DIS3L: variants seen among roughly 807,000 people sequenced by gnomAD.
The protein encoded by DIS3L is DIS3 like exosome 3'-5' exoribonuclease, also known as DIS3-like exonuclease 1.
Under a neutral mutation model 120.3 loss-of-function variants are expected in DIS3L, and 100 were observed. That is an observed-to-expected ratio of 0.83 (90% CI 0.71 to 0.98). The LOEUF (loss-of-function observed/expected upper bound fraction) is 0.98. Ranked by LOEUF, DIS3L falls within the 50% of genes least tolerant of loss-of-function variation. The probability of loss-of-function intolerance (pLI) is 0.00; values close to 1 mark genes in which losing one functional copy is unlikely to be tolerated. For missense variants in DIS3L, 1,196 were observed against 1,314.2 expected, an observed-to-expected ratio of 0.91 and a Z score of 1.39; for synonymous variants, 426 against 470.6, an observed-to-expected ratio of 0.91 and a Z score of 1.23.
chr15:66,294,935 A>G, intron 1 of DIS3L, 53 bp from the exon 2 acceptor site: 1 of 1,513,964 alleles, frequency 6.6e-7, no homozygotes, highest in Non-Finnish European at 8.9e-7. Flanking sequence ...ACATTTAAAT[A>G]AACCAGGTTT....
intron 9 of DIS3L, 149 bp from the exon 10 acceptor site, chr15:66,322,538 T>C (rs933313322): frequency 7.9e-7 from 1 of 1,272,280 alleles, no homozygotes; most frequent in African/African-American, 1.5e-5. Context: ...TAGTAAACAA[T>C]TATTGATCAA....
chr15:66,296,938 C>G (rs2092594099), intron 2 of DIS3L, among the ~76,000 whole-genome samples: 1 of 152,138 alleles, frequency 6.6e-6, no homozygotes, highest in Admixed American at 6.6e-5. Flanking sequence ...TTAACGTGGA[C>G]TATGCAAAGT....
At chr15:66,313,618 T>C (rs539660354) in intron 5 of DIS3L, among the ~76,000 whole-genome samples, 6 of 151,940 alleles carry the variant, frequency 3.9e-5, no homozygotes, top group African/African-American at 1.4e-4. Context: ...TAATCCCAGC[T>C]ACTTGGGAGG....
At chr15:66,329,458 T>G (rs2092976031) in intron 14 of DIS3L, 59 bp downstream of exon 14, 3 of 1,546,632 alleles carry the variant, frequency 1.9e-6, no homozygotes, top group Non-Finnish European at 2.6e-6. Flanking sequence ...AATATCAGCT[T>G]TATTGTGTAG....
At chr15:66,306,567 G>A (rs1339499490) in intron 2 of DIS3L, among the ~76,000 whole-genome samples, 2 of 152,198 alleles carry the variant, frequency 1.3e-5, no homozygotes, top group Non-Finnish European at 2.9e-5. Context: ...GAAGGGGAAA[G>A]GAGAGGGAAG....
At chr15:66,327,810 C>T (rs1166440593) in intron 12 of DIS3L, among the ~76,000 whole-genome samples, 2 of 152,094 alleles carry the variant, frequency 1.3e-5, no homozygotes, top group African/African-American at 4.8e-5. Context: ...ACCTGTAATC[C>T]TAGCACTTTG....
chr15:66,304,743 A>G (rs527709161), intron 2 of DIS3L, among the ~76,000 whole-genome samples: 1 of 151,882 alleles, frequency 6.6e-6, no homozygotes, highest in South Asian at 2.1e-4. Flanking sequence ...TCTACTAAAA[A>G]TACCAAAATT....
At position 66,320,568 on chromosome 15, in the gene DIS3L, C is replaced by G. The variant is rs1211008415; in HGVS notation, c.1165-3C>G. On this transcript the variant is annotated splice_region_variant and splice_polypyrimidine_tract_variant and intron_variant, in intron 8 of 16. Transcript: ENST00000319212. ...CTGTGTTTTATTTTTTCCTTTTGTG[C>G]AGGACTTCAGGGTGGTCGTGCGCAT... is the stretch of plus-strand genomic sequence containing the variant. The G allele has an allele frequency of 6.2e-7, 1 of 1,608,892 alleles. No individual in the cohort carries two copies. The highest frequency in any genetic ancestry group is 1.7e-5 in the Admixed American group (1 of 58,944).
intron 14 of DIS3L, among the ~76,000 whole-genome samples, chr15:66,331,238 G>T (rs1259379561): frequency 6.6e-6 from 1 of 151,972 alleles, no homozygotes; most frequent in Non-Finnish European, 1.5e-5. Context: ...CACCAATAGG[G>T]TTTTCATTGG....
At chr15:66,316,983 T>G (rs1324334984) in intron 7 of DIS3L, among the ~76,000 whole-genome samples, 1 of 152,206 alleles carries the variant, frequency 6.6e-6, no homozygotes, top group Non-Finnish European at 1.5e-5. Context: ...CTCTTCATGC[T>G]TTGCTCCAGC....
chr15:66,298,007 CT>C (rs1449440297), intron 2 of DIS3L, among the ~76,000 whole-genome samples: 6 of 151,978 alleles, frequency 3.9e-5, no homozygotes, highest in Admixed American at 2.6e-4. Flanking sequence ...TGGCGAAATC[CT>C]GTCACTACTA....
At chr15:66,307,038 T>G in intron 3 of DIS3L, 86 bp downstream of exon 3, 1 of 1,555,772 alleles carries the variant, frequency 6.4e-7, no homozygotes, top group Non-Finnish European at 8.8e-7. Flanking sequence ...ATCTAAATAG[T>G]CTGCTAGAAC....
At position 66,293,589 on chromosome 15, in the gene DIS3L, A is replaced by G; in HGVS notation, c.-8A>G. 2 of 1,427,964 alleles carry G rather than the reference A, an allele frequency of 1.4e-6. No homozygotes were observed. The highest frequency in any genetic ancestry group is 1.3e-5 in the South Asian group (1 of 75,044). The allele number at this position is 1,427,964 out of a possible 1,614,324, so 88.5% of individuals were successfully genotyped here. On this transcript the variant is annotated 5_prime_UTR_variant, in exon 1 of 17. Coordinates refer to ENST00000319212, the MANE Select transcript of DIS3L (RefSeq NM_001143688.3). Reference sequence around the variant, plus strand: ...CGCCACTCCGCGGCCGCCGGGAGACACGCCGCCATGCTGCAGAAGCGGGAG... The same window carrying G: ...CGCCACTCCGCGGCCGCCGGGAGACGCGCCGCCATGCTGCAGAAGCGGGAG...
At chr15:66,294,957 C>T in intron 1 of DIS3L, 31 bp from the exon 2 acceptor site, 1 of 1,569,544 alleles carries the variant, frequency 6.4e-7, no homozygotes, top group Non-Finnish European at 8.7e-7. Flanking sequence ...AAAACATTGT[C>T]TAATCTCTTA....
intron 1 of DIS3L, 141 bp downstream of exon 1, chr15:66,293,876 TC>T (rs2092552263): frequency 1.2e-6 from 1 of 855,928 alleles, no homozygotes; most frequent in African/African-American, 6.2e-5. Context: ...CTCGCCGGCC[TC>T]ACCCCCCGGC....
chr15:66,316,974 T>G (rs1354524877), intron 7 of DIS3L, among the ~76,000 whole-genome samples: 3 of 152,222 alleles, frequency 2.0e-5, no homozygotes, highest in African/African-American at 7.2e-5. Context: ...GCCATTTTCC[T>G]CTTCATGCTT....
upstream of DIS3L, chr15:66,293,367 G>A: frequency 1.4e-6 from 1 of 709,274 alleles, no homozygotes; most frequent in African/African-American, 1.9e-5. Flanking sequence ...CCGTCTCTGG[G>A]GTAGGTCGTT....
chr15:66,299,062 G>A (rs1460174629), intron 2 of DIS3L, among the ~76,000 whole-genome samples: 1 of 152,194 alleles, frequency 6.6e-6, no homozygotes, highest in South Asian at 2.1e-4. Flanking sequence ...GGAGGTCCAA[G>A]GGTTGGCATA....
intron 9 of DIS3L, among the ~76,000 whole-genome samples, chr15:66,321,565 C>T (rs186692229): frequency 2.6e-5 from 4 of 152,062 alleles, no homozygotes; most frequent in African/African-American, 9.6e-5. Flanking sequence ...AGTTTGAGAC[C>T]AGCCTGGCCA....
Sources: allele counts gnomAD v4.1 joint callset (sites outside exome capture counted in the v4.1 genomes callset), GRCh38; gene constraint gnomAD v4.1.1; transcripts MANE v1.5; gene names NCBI Gene and HGNC (gene_info 2026-07-23, HGNC 2026-07-21).